UNC5A: variants seen among roughly 807,000 people sequenced by gnomAD.
UNC5A encodes the protein unc-5 netrin receptor A, also known as netrin receptor UNC5A.
A neutral mutation model predicts 87.4 loss-of-function variants in UNC5A; 20 were observed. The ratio of observed to expected loss-of-function variants is 0.23; its 90% CI spans 0.16 to 0.33. UNC5A has a LOEUF of 0.33. Ranked by LOEUF, UNC5A falls within the 10% of genes least tolerant of loss-of-function variation. The probability of loss-of-function intolerance (pLI) is 1.00; values close to 1 mark genes in which losing one functional copy is unlikely to be tolerated. For synonymous variants in UNC5A, 438 were observed against 482.3 expected (o/e 0.91, Z 1.20); for missense variants, 844 against 1,133.4 (o/e 0.74, Z 3.67).
Position 176,835,729 on chromosome 5 carries a change from A to ATGTGTGTGTG in UNC5A, c.70+24933_70+24942dup, listed in dbSNP as rs55990257. On this transcript the variant is annotated intron_variant, in intron 1 of 14. Transcript: ENST00000329542. ...TGCAAATGGATGCCTTTGATAAAGG[A>ATGTGTGTGTG]TGTGTGTGTGTGTGTGTGTGTGTGT... 8.1e-3 allele frequency among the ~76,000 whole-genome samples: 1,179 copies of ATGTGTGTGTG among 145,368 alleles called. 12 individuals are homozygous for ATGTGTGTGTG. The highest frequency in any genetic ancestry group is 0.028 in the African/African-American group (1,063 of 38,562).
intron 1 of UNC5A, among the ~76,000 whole-genome samples, chr5:176,829,331 G>GGATGGATA (rs1336495411): frequency 8.7e-6 from 1 of 114,910 alleles, no homozygotes; most frequent in African/African-American, 4.7e-5. Context: ...TATGAAATAT[G>GGATGGATA]GATGGATGGA....
intron 1 of UNC5A, among the ~76,000 whole-genome samples, chr5:176,850,378 G>A (rs1441831973): frequency 1.3e-5 from 2 of 152,102 alleles, no homozygotes; most frequent in Admixed American, 6.5e-5. Flanking sequence ...GGTTGAGGAC[G>A]GCACTGAGCT....
chr5:176,878,759 G>C (rs1234577858), intron 13 of UNC5A, 120 bp downstream of exon 13: 2 of 1,336,468 alleles, frequency 1.5e-6, no homozygotes, highest in Non-Finnish European at 2.0e-6. Flanking sequence ...CCTGTCCCCA[G>C]GCCCACCTCC....
At position 176,874,367 on chromosome 5, in the gene UNC5A, G is replaced by A. The variant is rs1037138660; in HGVS notation, c.1179G>A (p.Gln393=). ...PRQDGPSPKF[Q]LTNGHLLSPL... The stretch of plus-strand genomic sequence containing the variant: ...AGGATGGGCCCAGCCCCAAGTTCCA[G>A]CTCACCAATGGGCACCTGCTCAGCC... Residue 393 remains glutamine (Q), a synonymous_variant, in exon 8 of 15, where the codon CAG becomes CAA. Coordinates refer to ENST00000329542, the MANE Select transcript of UNC5A (RefSeq NM_133369.3). The surrounding 1 kb of genome is among the most constrained non-coding windows in gnomAD (Gnocchi z 7.6). 2 of 1,613,616 alleles carry A rather than the reference G, an allele frequency of 1.2e-6. No homozygotes were observed. Among genetic ancestry groups the A allele is most frequent in the African/African-American group, 2.7e-5 (2 of 74,910 alleles).
At chr5:176,829,892 TGAGATGGAATC>T (rs1756958277) in intron 1 of UNC5A, among the ~76,000 whole-genome samples, 4 of 146,140 alleles carry the variant, frequency 2.7e-5, no homozygotes, top group Non-Finnish European at 3.0e-5. Context: ...TTTTTTTTTT[TGAGATGGAATC>T]TTGTTCTGTC....
chr5:176,833,714 T>C (rs969879212), intron 1 of UNC5A, among the ~76,000 whole-genome samples: 19 of 125,058 alleles, frequency 1.5e-4, no homozygotes, highest in Non-Finnish European at 2.9e-4. Context: ...TTTTTCTTTC[T>C]TTTTTTTTTT....
intron 1 of UNC5A, among the ~76,000 whole-genome samples, chr5:176,820,387 A>G (rs1455854643): frequency 1.3e-5 from 2 of 151,212 alleles, no homozygotes; most frequent in Admixed American, 1.3e-4. Flanking sequence ...AGAGAGTGAG[A>G]CTCCGTCTCA....
In UNC5A at chr5:176,865,912, A is replaced by G. The variant is rs1303543144; in HGVS notation, c.293-2218A>G. ...ACCCAAACCTGCTAACACTAAAAAA[A>G]AGCCTGAAATTTGCAAAACCAAGCA... is the stretch of plus-strand genomic sequence containing the variant. On this transcript the variant is annotated intron_variant, in intron 2 of 14. Coordinates refer to ENST00000329542, the MANE Select transcript of UNC5A (RefSeq NM_133369.3). This position sits in a 1 kb window ranked among gnomAD's most constrained non-coding sequence, Gnocchi z 5.3. 6.6e-6 allele frequency among the ~76,000 whole-genome samples: 1 copy of G among 152,380 alleles called. No homozygotes were observed. Among genetic ancestry groups the G allele is most frequent in the South Asian group, 2.1e-4 (1 of 4,832 alleles).
intron 1 of UNC5A, among the ~76,000 whole-genome samples, chr5:176,852,257 CCA>C (rs1266365382): frequency 6.6e-6 from 1 of 151,790 alleles, no homozygotes; most frequent in African/African-American, 2.4e-5. Context: ...CTCACACACA[CCA>C]CACACACAGA....
chr5:176,835,999 G>T (rs1226392831), intron 1 of UNC5A, among the ~76,000 whole-genome samples: 3 of 152,212 alleles, frequency 2.0e-5, no homozygotes, highest in Non-Finnish European at 4.4e-5. Context: ...ATCTGGAAGA[G>T]GATGTGTATA....
rs182749619 is a variant in UNC5A, at chr5:176,823,730, G to A, written c.70+12910G>A. On this transcript the variant is annotated intron_variant, in intron 1 of 14. Transcript: ENST00000329542. ...ACCCTGGACAGGGGCAGGTGGCCTCGGTGAGTCTCGGTGGGAAAAGGGAAA... is the reference window on the plus strand; with the variant it reads ...ACCCTGGACAGGGGCAGGTGGCCTCAGTGAGTCTCGGTGGGAAAAGGGAAA... Among the ~76,000 whole-genome samples, 258 of 151,986 alleles carry A rather than the reference G, an allele frequency of 1.7e-3. 2 individuals are homozygous for A. The highest frequency in any genetic ancestry group is 3.1e-3 in the Non-Finnish European group (208 of 67,954).
chr5:176,859,226 C>A (rs113050334), intron 1 of UNC5A, among the ~76,000 whole-genome samples: 1 of 44,646 alleles, frequency 2.2e-5, no homozygotes, highest in East Asian at 3.4e-4. Flanking sequence ...CTAGAATGTC[C>A]TTGCTAGAGG....
intron 1 of UNC5A, among the ~76,000 whole-genome samples, chr5:176,853,199 C>A (rs1362885893): frequency 6.6e-6 from 1 of 152,126 alleles, no homozygotes; most frequent in African/African-American, 2.4e-5. Flanking sequence ...CACTCCTGGC[C>A]CCGGCCATTT....
chr5:176,829,313 A>ATGAAAT (rs1561643195), intron 1 of UNC5A, among the ~76,000 whole-genome samples: 4 of 8,518 alleles, frequency 4.7e-4, no homozygotes, highest in Admixed American at 3.3e-3. Flanking sequence ...TGGATGGATG[A>ATGAAAT]ATGGATGTAT....
At chr5:176,878,778 A>C in intron 13 of UNC5A, 139 bp downstream of exon 13, 1 of 1,151,726 alleles carries the variant, frequency 8.7e-7, no homozygotes. Flanking sequence ...CCTCCTAGAA[A>C]CCCCTTGGCA....
At chr5:176,858,415 G>A (rs190998600) in intron 1 of UNC5A, among the ~76,000 whole-genome samples, 19 of 152,136 alleles carry the variant, frequency 1.2e-4, no homozygotes, top group African/African-American at 3.1e-4. Context: ...CTCCTGCCTC[G>A]GAGGGATCCA....
rs1257770337 is a variant in UNC5A at position 176,865,056 on chromosome 5, C to T, written c.292+2211C>T. Reference sequence around the variant, plus strand: ...GTGAGGAGACCTCCCCTCCATCCTGCCCCTTGCAGATTGGTCGGGGGAAGC... The same window carrying T: ...GTGAGGAGACCTCCCCTCCATCCTGTCCCTTGCAGATTGGTCGGGGGAAGC... On this transcript the variant is annotated intron_variant, in intron 2 of 14. Coordinates refer to ENST00000329542, the MANE Select transcript of UNC5A (RefSeq NM_133369.3). The surrounding 1 kb of genome is among the most constrained non-coding windows in gnomAD (Gnocchi z 5.3). 3 of 341,458 alleles carry T rather than the reference C, an allele frequency of 8.8e-6. No individual in the cohort carries two copies. In the East Asian group the frequency reaches 2.6e-4, roughly 29 times the overall value. 21.2% of individuals were successfully genotyped at this position (341,458 alleles called of 1,614,324 possible).
intron 2 of UNC5A, 103 bp from the exon 3 acceptor site, chr5:176,868,027 T>C: frequency 1.0e-6 from 1 of 957,878 alleles, no homozygotes. Flanking sequence ...CAAAGTCCAC[T>C]CCCTTGCCAG....
chr5:176,878,663 C>G, intron 13 of UNC5A, 24 bp downstream of exon 13: 1 of 1,597,408 alleles, frequency 6.3e-7, no homozygotes, highest in Non-Finnish European at 8.6e-7. Flanking sequence ...GCTGCCGCAC[C>G]GCCGTGACGT....
Sources: allele counts gnomAD v4.1 joint callset (sites outside exome capture counted in the v4.1 genomes callset), GRCh38; gene constraint gnomAD v4.1.1; non-coding constraint Gnocchi (gnomAD v3.1); transcripts MANE v1.5; gene names NCBI Gene and HGNC (gene_info 2026-07-23, HGNC 2026-07-21).